KAZN: variants seen among roughly 807,000 people sequenced by gnomAD.
KAZN encodes the protein kazrin, periplakin interacting protein.
A neutral mutation model predicts 87.4 loss-of-function variants in KAZN; 40 were observed. The ratio of observed to expected loss-of-function variants is 0.46; its 90% confidence interval spans 0.36 to 0.60. The LOEUF (loss-of-function observed/expected upper bound fraction) is 0.60. KAZN is among the 20% of genes least tolerant of loss of function. The probability of loss-of-function intolerance (pLI) is 0.00; values close to 1 mark genes in which losing one functional copy is unlikely to be tolerated. For missense variants in KAZN, 898 were observed against 1,073.9 expected (o/e 0.84, Z 2.29); for synonymous variants, 466 against 458.3 (o/e 1.02, Z -0.22).
intron 1 of KAZN, among the ~76,000 whole-genome samples, chr1:14,749,869 GCCT>G (rs1557450583): frequency 2.0e-5 from 3 of 152,216 alleles, no homozygotes. Context: ...GAGTAATAAT[GCCT>G]CCTTCTTCAT....
chr1:14,165,119 G>T (rs1645798112), intron 1 of KAZN, among the ~76,000 whole-genome samples: 1 of 152,010 alleles, frequency 6.6e-6, no homozygotes, highest in Non-Finnish European at 1.5e-5. Context: ...CCAGAATTGT[G>T]TGTCATGTGT....
At chr1:14,488,355 A>G (rs761513239) in intron 2 of KAZN, among the ~76,000 whole-genome samples, 18 of 152,328 alleles carry the variant, frequency 1.2e-4, no homozygotes, top group Non-Finnish European at 2.5e-4. Context: ...ATCGTCGCTA[A>G]GGTCTGAACA....
At position 14,154,269 on chromosome 1, in the gene KAZN, G is replaced by A. The variant is rs550849261; in HGVS notation, c.92-26166G>A. Reference sequence around the variant, plus strand: ...TGTTCTTTGTTGCTATTATAAATGGGATTTTTAAAAAAAATTCTTTTTCAG... The same window carrying A: ...TGTTCTTTGTTGCTATTATAAATGGAATTTTTAAAAAAAATTCTTTTTCAG... On this transcript the variant is annotated intron_variant, in intron 1 of 16. Coordinates refer to the KAZN transcript ENST00000636203. Among the ~76,000 whole-genome samples, 3 of 152,066 alleles carry A rather than the reference G, an allele frequency of 2.0e-5. No individual in the cohort carries two copies. The South Asian group carries it at 6.2e-4, about 32-fold the overall frequency.
Position 13,920,243 on chromosome 1 carries a change from CA to C in KAZN, c.91+26507del, listed in dbSNP as rs56221437. ...CCAGTGACACAGCGAGACCCTGTCT[CA>C]AAAAAAAAAAAAAAAAAAAGGTTAT... On this transcript the variant is annotated intron_variant, in intron 1 of 16. Transcript: ENST00000636203. 8.5e-3 allele frequency among the ~76,000 whole-genome samples: 613 copies of C among 71,792 alleles called. 2 individuals carry two copies. Among genetic ancestry groups the C allele is most frequent in the Middle Eastern group, 0.045 (5 of 112 alleles). The allele number at this position is 71,792 out of a possible 152,430, so 47.1% of individuals were successfully genotyped here. A position where few individuals can be genotyped will look rare whatever the true frequency, so the allele number is the denominator to read the frequency against.
rs200830233 is a variant in KAZN at position 14,096,214 on chromosome 1, T to A, written c.92-84221T>A. Among the ~76,000 whole-genome samples, 64 of 152,372 alleles carry A rather than the reference T, an allele frequency of 4.2e-4. No individual in the cohort carries two copies. The East Asian group carries it at 5.4e-3, about 13-fold the overall frequency. On this transcript the variant is annotated intron_variant, in intron 1 of 16. Transcript: ENST00000636203. ...ACATAATTTTTTTAAAAGATGAAGT[T>A]GCCTTCATCATAGAAACAGTCCCAT...
chr1:14,131,845 G>T (rs1644998758), intron 1 of KAZN, among the ~76,000 whole-genome samples: 1 of 151,976 alleles, frequency 6.6e-6, no homozygotes, highest in South Asian at 2.1e-4. Flanking sequence ...GATCTGCTTG[G>T]TGGTCTCTGG....
chr1:14,641,071 C>T (rs1680374733), intron 1 of KAZN, among the ~76,000 whole-genome samples: 1 of 152,190 alleles, frequency 6.6e-6, no homozygotes, highest in African/African-American at 2.4e-5. Context: ...AGCAGAAGTC[C>T]TGGGTCATTC....
chr1:14,188,194 CGTGTGTGTGTGTGTGT>C (rs3033865), intron 2 of KAZN, among the ~76,000 whole-genome samples: 11 of 140,054 alleles, frequency 7.9e-5, no homozygotes, highest in South Asian at 2.4e-4. Flanking sequence ...GAGAGAGGAG[CGTGTGTGTGTGTGTGT>C]GTGTGTGTGT....
At chr1:14,072,622 T>C (rs1482728910) in intron 1 of KAZN, among the ~76,000 whole-genome samples, 1 of 152,198 alleles carries the variant, frequency 6.6e-6, no homozygotes, top group African/African-American at 2.4e-5. Flanking sequence ...ATCCTTCCAC[T>C]GGTGAGAGGC....
chr1:14,103,789 G>A (rs1223061344), intron 1 of KAZN, among the ~76,000 whole-genome samples: 1 of 152,160 alleles, frequency 6.6e-6, no homozygotes, highest in Non-Finnish European at 1.5e-5. Context: ...AATTCCATCT[G>A]CAGCCTGAAT....
At chr1:14,566,539 A>G (rs1674559453) in intron 2 of KAZN, among the ~76,000 whole-genome samples, 1 of 152,214 alleles carries the variant, frequency 6.6e-6, no homozygotes, top group Non-Finnish European at 1.5e-5. Flanking sequence ...GAAGCTTTAA[A>G]TCCAGGCATT....
chr1:14,822,652 A>G (rs1025989548), intron 1 of KAZN, among the ~76,000 whole-genome samples: 1 of 152,216 alleles, frequency 6.6e-6, no homozygotes, highest in African/African-American at 2.4e-5. Flanking sequence ...CAATGAGAAA[A>G]GTATGTTTTC....
chr1:15,029,697 G>A (rs1480755359), intron 2 of KAZN, among the ~76,000 whole-genome samples: 1 of 152,254 alleles, frequency 6.6e-6, no homozygotes, highest in Non-Finnish European at 1.5e-5. Flanking sequence ...CAAGAGCAGA[G>A]TCTGGAGTTT....
chr1:14,324,573 A>G (rs1052078252), intron 2 of KAZN, among the ~76,000 whole-genome samples: 17 of 152,062 alleles, frequency 1.1e-4, no homozygotes, highest in Admixed American at 4.6e-4. Context: ...TGTCACTTCC[A>G]ATCACATTTC....
At chr1:14,943,674 C>G (rs978541227) in intron 1 of KAZN, among the ~76,000 whole-genome samples, 1 of 152,260 alleles carries the variant, frequency 6.6e-6, no homozygotes, top group African/African-American at 2.4e-5. Flanking sequence ...GTGACCTGCT[C>G]AAGATCACTT....
intron 1 of KAZN, among the ~76,000 whole-genome samples, chr1:14,828,516 T>C (rs1266867831): frequency 6.6e-6 from 1 of 152,178 alleles, no homozygotes; most frequent in Admixed American, 6.5e-5. Flanking sequence ...GATTCTCTGC[T>C]CAACGGAGTC....
chr1:15,034,688 A>C, intron 2 of KAZN, 61 bp from the exon 3 acceptor site: 1 of 1,596,968 alleles, frequency 6.3e-7, no homozygotes, highest in Non-Finnish European at 8.6e-7. Context: ...ACTTCTCAGC[A>C]CTCAGGCATC....
At chr1:13,972,044 T>G (rs1479835439) in intron 1 of KAZN, among the ~76,000 whole-genome samples, 1 of 152,170 alleles carries the variant, frequency 6.6e-6, no homozygotes, top group African/African-American at 2.4e-5. Flanking sequence ...TTTCTTTATA[T>G]TAATGTTTGA....
chr1:14,335,685 A>G (rs1238117569), intron 2 of KAZN, among the ~76,000 whole-genome samples: 1 of 152,106 alleles, frequency 6.6e-6, no homozygotes, highest in African/African-American at 2.4e-5. Flanking sequence ...TTTATAAATT[A>G]CCCAGCCTCA....
Sources: gnomAD v4.1 joint callset for allele counts (sites outside exome capture counted in the v4.1 genomes callset) on GRCh38, gnomAD v4.1.1 for gene constraint, MANE v1.5 for transcripts, NCBI Gene and HGNC (gene_info 2026-07-23, HGNC 2026-07-21) for gene names.